Variants in RYR2 observed in about 807,000 individuals in gnomAD.
RYR2 encodes the protein ryanodine receptor 2.
Under a neutral mutation model 601.1 loss-of-function variants are expected in RYR2, and 227 were observed. The ratio of observed to expected loss-of-function variants is 0.38; its 90% confidence interval spans 0.34 to 0.42. RYR2 has a LOEUF of 0.42. Ranked by LOEUF, RYR2 falls within the 10% of genes least tolerant of loss-of-function variation. The pLI is 1.00. For synonymous variants in RYR2, 2,223 were observed against 2,175.1 expected, an observed-to-expected ratio of 1.02 and a Z score of -0.61; for missense variants, 4,646 against 6,156.5, an observed-to-expected ratio of 0.75 and a Z score of 8.21.
intron 2 of RYR2, among the ~76,000 whole-genome samples, chr1:237,314,063 C>CTTT (rs397983391): frequency 7.3e-4 from 60 of 82,340 alleles, no homozygotes; most frequent in Non-Finnish European, 1.0e-3. Context: ...ACATGAATTT[C>CTTT]TTTTTTTTTT....
chr1:237,270,473 C>T (rs1689567002), intron 1 of RYR2, 24 bp from the exon 2 acceptor site: 1 of 1,557,782 alleles, frequency 6.4e-7, no homozygotes, highest in South Asian at 1.2e-5. Context: ...ACTTATTTTT[C>T]CCTCTCTTTC....
intron 71 of RYR2, among the ~76,000 whole-genome samples, chr1:237,712,957 G>A (rs1019850481): frequency 6.6e-6 from 1 of 152,118 alleles, no homozygotes; most frequent in Non-Finnish European, 1.5e-5. Flanking sequence ...ATAAATTCTG[G>A]CAACAGAGTA....
rs926687340 is a variant in RYR2, at chr1:237,357,091, A to G, written c.294+1106A>G. 5.3e-5 allele frequency among the ~76,000 whole-genome samples: 8 copies of G among 152,002 alleles called. No homozygotes were observed. The East Asian group carries it at 1.4e-3, about 26-fold the overall frequency. On this transcript the variant is annotated intron_variant, in intron 4 of 104. Transcript: ENST00000366574. Reference sequence around the variant, plus strand: ...TTTTTAGCCCTTTAAAGACAAGGAAACTTGTTTTTTAATTTACCATTTCTG... The same window carrying G: ...TTTTTAGCCCTTTAAAGACAAGGAAGCTTGTTTTTTAATTTACCATTTCTG...
chr1:237,430,045 GATCAATATAT>G (rs1706631782), intron 12 of RYR2, among the ~76,000 whole-genome samples: 2 of 150,708 alleles, frequency 1.3e-5, no homozygotes, highest in Non-Finnish European at 3.0e-5. Context: ...TATCTTTCCA[GATCAATATAT>G]ATCAATATAT....
At position 237,648,460 on chromosome 1, in the gene RYR2, A is replaced by G. The variant is rs779456443; in HGVS notation, c.7359A>G (p.Glu2453=). Residue 2453 remains glutamate (E), a synonymous_variant, in exon 49 of 105, where the codon GAA becomes GAG. Transcript: ENST00000366574. ...PTIAKDGNVV[E]PDMSAGFCPD... ...CTCTTTTAGATGGGAATGTGGTGGA[A>G]CCTGACATGTCTGCGGGGTTTTGCC... The G allele has an allele frequency of 5.0e-6, 8 of 1,608,282 alleles. No homozygotes were observed. In the African/African-American group the frequency reaches 5.3e-5, roughly 11 times the overall value.
intron 12 of RYR2, 123 bp downstream of exon 12, chr1:237,423,371 A>G (rs2150059321): frequency 1.7e-6 from 2 of 1,191,820 alleles, no homozygotes; most frequent in Non-Finnish European, 2.3e-6. Context: ...GTATTTCTAA[A>G]TTCCCAGTTT....
At chr1:237,107,538 G>GAAAAAAAAAAAAA (rs1218167557) in intron 1 of RYR2, among the ~76,000 whole-genome samples, 25 of 56,784 alleles carry the variant, frequency 4.4e-4, no homozygotes, top group East Asian at 1.2e-3. Context: ...AAAAAAAAAG[G>GAAAAAAAAAAAAA]AAACATTGTA....
intron 100 of RYR2, among the ~76,000 whole-genome samples, chr1:237,817,182 G>A (rs1661932755): frequency 6.6e-6 from 1 of 152,120 alleles, no homozygotes; most frequent in Non-Finnish European, 1.5e-5. Flanking sequence ...ATGCCAGGCT[G>A]ATAAAACGTT....
rs794728766 is a variant in RYR2, at chr1:237,708,867, A to G, written c.9911A>G (p.Gln3304Arg). ...AWMKRLAVFSQPIINKVKPQL... is the reference protein window; with the variant it reads ...AWMKRLAVFSRPIINKVKPQL... ...GTCTGTCTTTAAACAGTGTTTTCCC[A>G]GCCTATAATAAATAAAGTGAAACCT... Residue 3304 changes from glutamine (Q) to arginine (R), a missense_variant, in exon 69 of 105, where the codon CAG (glutamine) becomes CGG (arginine). Gln to Arg is a conservative substitution (Grantham distance 43). Around this residue, in one of 17 missense-constraint regions of RYR2, gnomAD observed 1,497 missense variants for 1,842.6 expected, o/e 0.81. Transcript: ENST00000366574. 4 of 1,609,588 alleles carry G rather than the reference A, an allele frequency of 2.5e-6. No homozygotes were observed. The highest frequency in any genetic ancestry group is 1.7e-5 in the Admixed American group (1 of 59,564).
chr1:237,484,006 C>T (rs1464769825), intron 17 of RYR2, among the ~76,000 whole-genome samples: 4 of 152,136 alleles, frequency 2.6e-5, no homozygotes, highest in African/African-American at 7.2e-5. Flanking sequence ...GTTTGACTGG[C>T]ACTGTATCTC....
At chr1:237,337,454 A>T (rs1697351237) in intron 3 of RYR2, among the ~76,000 whole-genome samples, 1 of 152,174 alleles carries the variant, frequency 6.6e-6, no homozygotes, top group African/African-American at 2.4e-5. Flanking sequence ...GATGAAGAAG[A>T]TCTGTGTATT....
intron 2 of RYR2, among the ~76,000 whole-genome samples, chr1:237,285,002 T>C (rs1691388394): frequency 6.6e-6 from 1 of 152,148 alleles, no homozygotes; most frequent in Admixed American, 6.5e-5. Flanking sequence ...TCCTCTTTAC[T>C]GATTTGGATG....
chr1:237,746,672 C>T (rs939675301), intron 80 of RYR2, among the ~76,000 whole-genome samples: 17 of 151,900 alleles, frequency 1.1e-4, no homozygotes, highest in African/African-American at 4.1e-4. Flanking sequence ...AACTTTATTG[C>T]ATATTTAGTT....
At chr1:237,087,973 T>A (rs1171975475) in intron 1 of RYR2, among the ~76,000 whole-genome samples, 1 of 152,266 alleles carries the variant, frequency 6.6e-6, no homozygotes, top group Non-Finnish European at 1.5e-5. Flanking sequence ...GCCACCCATT[T>A]GGCATTTGCT....
At chr1:237,192,322 C>T (rs1338069951) in intron 1 of RYR2, among the ~76,000 whole-genome samples, 1 of 152,160 alleles carries the variant, frequency 6.6e-6, no homozygotes, top group Non-Finnish European at 1.5e-5. Flanking sequence ...GATTCTCCTG[C>T]CTCAGCCTCC....
At chr1:237,779,885 A>T (rs1238295669) in intron 88 of RYR2, among the ~76,000 whole-genome samples, 2 of 152,236 alleles carry the variant, frequency 1.3e-5, no homozygotes, top group Admixed American at 6.5e-5. Flanking sequence ...GCAGGAGCTC[A>T]GTAGAGTCAG....
intron 62 of RYR2, among the ~76,000 whole-genome samples, chr1:237,683,267 T>C (rs1266559520): frequency 1.3e-5 from 2 of 152,330 alleles, no homozygotes; most frequent in Non-Finnish European, 1.5e-5. Context: ...TTTTCCACAA[T>C]TAAAACCAAT....
intron 58 of RYR2, among the ~76,000 whole-genome samples, chr1:237,669,515 C>G (rs1418188994): frequency 2.6e-5 from 4 of 151,036 alleles, no homozygotes; most frequent in East Asian, 2.0e-4. Flanking sequence ...GCTGACCCCC[C>G]CCACCTCCCT....
chr1:237,474,272 C>CATATATATGT (rs1661144817), intron 17 of RYR2, among the ~76,000 whole-genome samples: 1 of 69,280 alleles, frequency 1.4e-5, no homozygotes, highest in Admixed American at 1.6e-4. Context: ...GATACCTACA[C>CATATATATGT]ACACACACAC....
Sources: allele counts gnomAD v4.1 joint callset (sites outside exome capture counted in the v4.1 genomes callset), GRCh38; gene constraint gnomAD v4.1.1; regional missense constraint gnomAD v4.1.1; transcripts MANE v1.5; gene names NCBI Gene and HGNC (gene_info 2026-07-23, HGNC 2026-07-21).